CALN1: variants seen among roughly 807,000 people sequenced by gnomAD.
CALN1 encodes the protein calcium-binding protein 8.
CALN1 carries 17 observed loss-of-function variants against 30.6 expected under a neutral mutation model. The ratio of observed to expected loss-of-function variants is 0.56; its 90% CI spans 0.38 to 0.83. The LOEUF (loss-of-function observed/expected upper bound fraction) is 0.83, where lower values mean the gene tolerates loss of function less well. Among genes scored for constraint, CALN1 ranks in the 40% least tolerant of loss-of-function variants. The probability of loss-of-function intolerance (pLI) is 0.00; values close to 1 mark genes in which losing one functional copy is unlikely to be tolerated. For missense variants in CALN1, 291 were observed against 354.9 expected (o/e 0.82, Z 1.45); for synonymous variants, 156 against 131.4 (o/e 1.19, Z -1.28).
intron 4 of CALN1, among the ~76,000 whole-genome samples, chr7:72,085,083 T>C (rs1035383903): frequency 2.0e-5 from 3 of 152,202 alleles, no homozygotes; most frequent in Non-Finnish European, 2.9e-5. Context: ...CATGATCCTC[T>C]TTCTGACTTA....
intron 5 of CALN1, among the ~76,000 whole-genome samples, chr7:71,964,278 G>A (rs544366037): frequency 2.6e-5 from 4 of 151,716 alleles, no homozygotes; most frequent in South Asian, 2.1e-4. Context: ...TAGGGGTCGT[G>A]GGGAGCATTT....
chr7:72,215,991 G>C (rs1696212681), intron 3 of CALN1, among the ~76,000 whole-genome samples: 1 of 152,060 alleles, frequency 6.6e-6, no homozygotes, highest in South Asian at 2.1e-4. Context: ...CTCCTGTTCA[G>C]TTCTACTTCC....
intron 2 of CALN1, among the ~76,000 whole-genome samples, chr7:72,344,732 T>C (rs926076047): frequency 6.8e-6 from 1 of 147,428 alleles, no homozygotes; most frequent in Non-Finnish European, 1.5e-5. Context: ...AAATGGCTTT[T>C]TATAAATGGA....
chr7:72,067,810 G>A (rs1804128440), intron 4 of CALN1, among the ~76,000 whole-genome samples: 1 of 152,162 alleles, frequency 6.6e-6, no homozygotes, highest in Admixed American at 6.5e-5. Flanking sequence ...GCTGACCTCA[G>A]ACCACCTTCT....
At chr7:72,292,641 T>G (rs1046591917) in intron 2 of CALN1, among the ~76,000 whole-genome samples, 2 of 150,744 alleles carry the variant, frequency 1.3e-5, no homozygotes, top group African/African-American at 2.4e-5. Flanking sequence ...GCCAACATGG[T>G]GAAATCCTGT....
At chr7:72,050,770 G>C (rs780108485) in intron 4 of CALN1, among the ~76,000 whole-genome samples, 7 of 152,120 alleles carry the variant, frequency 4.6e-5, no homozygotes, top group Non-Finnish European at 8.8e-5. Flanking sequence ...GGAGGCCAAG[G>C]TGGGAAGTTC....
chr7:72,321,258 C>G (rs575450642), intron 2 of CALN1, among the ~76,000 whole-genome samples: 1 of 152,136 alleles, frequency 6.6e-6, no homozygotes, highest in African/African-American at 2.4e-5. Context: ...GGCAGGAAAC[C>G]GTCCCTGTCG....
chr7:72,146,173 A>G (rs1483241685), intron 3 of CALN1, among the ~76,000 whole-genome samples: 1 of 152,210 alleles, frequency 6.6e-6, no homozygotes, highest in Non-Finnish European at 1.5e-5. Flanking sequence ...GAAAAGAGGA[A>G]GTCAAATTGT....
intron 3 of CALN1, among the ~76,000 whole-genome samples, chr7:72,109,259 C>T (rs985082614): frequency 2.6e-5 from 4 of 152,110 alleles, no homozygotes; most frequent in Admixed American, 2.6e-4. Context: ...GCACCAGGAC[C>T]CTAGGCTCCC....
At chr7:72,031,336 G>A (rs1231481085) in intron 4 of CALN1, among the ~76,000 whole-genome samples, 1 of 152,168 alleles carries the variant, frequency 6.6e-6, no homozygotes, top group Non-Finnish European at 1.5e-5. Flanking sequence ...TCATTTCAGA[G>A]AGTAATAATA....
intron 2 of CALN1, among the ~76,000 whole-genome samples, chr7:72,316,630 T>C (rs1419030362): frequency 1.3e-5 from 2 of 152,118 alleles, no homozygotes; most frequent in Non-Finnish European, 2.9e-5. Context: ...AACCTTTTAC[T>C]TATGCACTTA....
chr7:72,396,806 C>G (rs1045226289), intron 2 of CALN1, among the ~76,000 whole-genome samples: 1 of 152,104 alleles, frequency 6.6e-6, no homozygotes, highest in Non-Finnish European at 1.5e-5. Flanking sequence ...ACCACTAGAA[C>G]CATGACTCAC....
chr7:72,362,672 C>A (rs529922345), intron 2 of CALN1, among the ~76,000 whole-genome samples: 5 of 152,278 alleles, frequency 3.3e-5, no homozygotes, highest in Admixed American at 6.5e-5. Context: ...TTCTGTCCTG[C>A]CTGTGTGCCC....
chr7:72,062,438 G>A (rs569191613), intron 4 of CALN1, among the ~76,000 whole-genome samples: 1 of 150,686 alleles, frequency 6.6e-6, no homozygotes, highest in South Asian at 2.1e-4. Context: ...CTTGAACCAG[G>A]GAAGTGGAGG....
chr7:72,096,371 C>T (rs1806233364), intron 4 of CALN1, among the ~76,000 whole-genome samples: 1 of 152,220 alleles, frequency 6.6e-6, no homozygotes, highest in African/African-American at 2.4e-5. Context: ...TCCACTCAGA[C>T]CTTCTTGCTC....
intron 5 of CALN1, among the ~76,000 whole-genome samples, chr7:71,888,637 G>T (rs1229646164): frequency 6.6e-6 from 1 of 152,114 alleles, no homozygotes; most frequent in African/African-American, 2.4e-5. Context: ...AAAGTGAAGG[G>T]AACAGAAAGC....
intron 1 of CALN1, among the ~76,000 whole-genome samples, chr7:72,417,527 C>G (rs949484821): frequency 2.0e-5 from 3 of 152,174 alleles, no homozygotes; most frequent in African/African-American, 7.2e-5. Flanking sequence ...TTCTTGGTTA[C>G]CAGCCAGCAT....
intron 5 of CALN1, among the ~76,000 whole-genome samples, chr7:71,865,209 G>A (rs922683983): frequency 6.6e-6 from 1 of 152,152 alleles, no homozygotes; most frequent in African/African-American, 2.4e-5. Flanking sequence ...CTTGGATCGT[G>A]GGGGTGGTTT....
intron 2 of CALN1, among the ~76,000 whole-genome samples, chr7:72,314,368 T>TAC (rs1483394436): frequency 1.5e-5 from 1 of 67,622 alleles, no homozygotes; most frequent in East Asian, 2.8e-4. Flanking sequence ...TACATATACA[T>TAC]ATATACACAT....
Sources: allele counts gnomAD v4.1 joint callset (sites outside exome capture counted in the v4.1 genomes callset), GRCh38; gene constraint gnomAD v4.1.1; transcripts MANE v1.5; gene names NCBI Gene and HGNC (gene_info 2026-07-23, HGNC 2026-07-21).